SMAD3: variants seen among roughly 807,000 people sequenced by gnomAD.
The protein encoded by SMAD3 is SMAD family member 3, also known as MAD homolog 3.
SMAD3 carries 12 observed loss-of-function variants against 51.8 expected under a neutral mutation model. That is an observed-to-expected ratio of 0.23 (90% CI 0.15 to 0.38). The LOEUF (loss-of-function observed/expected upper bound fraction) is 0.38. Among genes scored for constraint, SMAD3 ranks in the 10% least tolerant of loss-of-function variants. SMAD3 has a pLI of 1.00. For missense variants in SMAD3, 294 were observed against 565.6 expected (o/e 0.52, Z 4.87); for synonymous variants, 238 against 227.7 (o/e 1.05, Z -0.41).
chr15:67,190,303 G>C (rs562789102), intron 8 of SMAD3, 110 bp from the exon 9 acceptor site: 6 of 1,035,440 alleles, frequency 5.8e-6, no homozygotes, highest in East Asian at 4.7e-5. Context: ...GCGTCTAACA[G>C]CATCTTTGGG....
At chr15:67,095,834 T>C (rs1263215890) in intron 1 of SMAD3, among the ~76,000 whole-genome samples, 3 of 152,188 alleles carry the variant, frequency 2.0e-5, no homozygotes, top group Admixed American at 6.5e-5. Flanking sequence ...ATCCGGCCCA[T>C]CTTGAAATTC....
intron 5 of SMAD3, among the ~76,000 whole-genome samples, chr15:67,177,517 G>T (rs933929984): frequency 2.1e-5 from 3 of 139,684 alleles, no homozygotes; most frequent in African/African-American, 8.0e-5. Context: ...CTGCCTCCTG[G>T]GTTCAAGTGA....
chr15:67,070,306 C>G (rs1960025477), intron 1 of SMAD3, among the ~76,000 whole-genome samples: 1 of 152,042 alleles, frequency 6.6e-6, no homozygotes, highest in Admixed American at 6.6e-5. Flanking sequence ...AGAGGAGGTG[C>G]CTGCAGGACA....
Position 67,177,857 on chromosome 15 carries a change from G to A in SMAD3, c.659-3384G>A, listed in dbSNP as rs941850537. On this transcript the variant is annotated intron_variant, in intron 5 of 8. Transcript: ENST00000327367. ...AGGAAGCAGCTGAGGCATGGTGGGC[G>A]GGAGGGACCTAGAAAGGAGGGAAAT... 8.5e-5 allele frequency among the ~76,000 whole-genome samples: 13 copies of A among 152,092 alleles called. 1 individual carries two copies. The East Asian group carries it at 9.6e-4, about 11-fold the overall frequency.
Position 67,090,881 on chromosome 15 carries a change from CTG to C in SMAD3, c.206+24525_206+24526del, listed in dbSNP as rs1156567656. On this transcript the variant is annotated intron_variant, in intron 1 of 8. Transcript: ENST00000327367. Reference sequence around the variant, plus strand: ...AAAATATTATAAACAGACCACCAAACTGTGTTTGGTCCAAGGCCAAGCCCCTC... The same window carrying C: ...AAAATATTATAAACAGACCACCAAACTGTTTGGTCCAAGGCCAAGCCCCTC... Among the ~76,000 whole-genome samples the C allele has an allele frequency of 2.0e-5, 3 of 152,204 alleles. No homozygotes were observed. The East Asian group carries it at 5.8e-4, about 29-fold the overall frequency.
chr15:67,065,747 C>G lies in SMAD3; in HGVS notation c.-408C>G, dbSNP rs553517799. ...AGGCGGAGGGATCTGCGCATCAAAG[C>G]TAGCGAGGCGAGCGAAGTTTGGCCG... On this transcript the variant is annotated 5_prime_UTR_variant, in exon 1 of 9. Transcript: ENST00000327367. 3.9e-4 allele frequency: 78 copies of G among 198,848 alleles called. 1 individual carries two copies. Among genetic ancestry groups the G allele is most frequent in the African/African-American group, 1.6e-3 (71 of 43,430 alleles). The allele number at this position is 198,848 out of a possible 1,614,324, so 12.3% of individuals were successfully genotyped here.
intron 1 of SMAD3, among the ~76,000 whole-genome samples, chr15:67,070,323 A>G (rs1377733240): frequency 6.6e-6 from 1 of 152,110 alleles, no homozygotes; most frequent in African/African-American, 2.4e-5. Context: ...GACAATAGGT[A>G]GCTGATGAGG....
intron 5 of SMAD3, among the ~76,000 whole-genome samples, chr15:67,171,347 T>C (rs1962747368): frequency 2.0e-5 from 3 of 152,206 alleles, no homozygotes; most frequent in African/African-American, 7.2e-5. Flanking sequence ...CTGGGTCAGT[T>C]TTTCCAAGAC....
At chr15:67,122,798 G>A (rs1389501850) in intron 1 of SMAD3, among the ~76,000 whole-genome samples, 1 of 152,184 alleles carries the variant, frequency 6.6e-6, no homozygotes, top group East Asian at 1.9e-4. Flanking sequence ...CCCACCACTT[G>A]TAAGTTATGG....
chr15:67,089,425 C>A (rs1960464314), intron 1 of SMAD3, among the ~76,000 whole-genome samples: 1 of 152,208 alleles, frequency 6.6e-6, no homozygotes, highest in Non-Finnish European at 1.5e-5. Context: ...AGAGCACCTT[C>A]CCATTGGTTT....
At chr15:67,071,290 G>A (rs1366342962) in intron 1 of SMAD3, among the ~76,000 whole-genome samples, 1 of 152,216 alleles carries the variant, frequency 6.6e-6, no homozygotes, top group Non-Finnish European at 1.5e-5. Flanking sequence ...TAAGAATGAG[G>A]ACGTCTTTAT....
chr15:67,112,063 C>T (rs992501456), intron 1 of SMAD3, among the ~76,000 whole-genome samples: 4 of 151,650 alleles, frequency 2.6e-5, no homozygotes, highest in East Asian at 1.9e-4. Flanking sequence ...GTTGGGATTA[C>T]GGGCATAGCC....
At position 67,130,482 on chromosome 15, in the gene SMAD3, G is replaced by T. The variant is rs1388691988; in HGVS notation, c.207-34413G>T. ...GCGGCTGCATTAGATTCTCATAGGAGCGTGAACCCTATTGTGAACTGCATA... is the reference window on the plus strand; with the variant it reads ...GCGGCTGCATTAGATTCTCATAGGATCGTGAACCCTATTGTGAACTGCATA... On this transcript the variant is annotated intron_variant, in intron 1 of 8. Coordinates refer to ENST00000327367, the MANE Select transcript of SMAD3 (RefSeq NM_005902.4). Among the ~76,000 whole-genome samples the T allele has an allele frequency of 1.6e-4, 24 of 152,238 alleles. 1 individual carries two copies. The highest frequency in any genetic ancestry group is 1.4e-3 in the Admixed American group (22 of 15,290).
chr15:67,071,715 G>T (rs1960057786), intron 1 of SMAD3, among the ~76,000 whole-genome samples: 1 of 152,204 alleles, frequency 6.6e-6, no homozygotes, highest in African/African-American at 2.4e-5. Flanking sequence ...GGGAGGCTGA[G>T]GCAAGAGAAT....
intron 1 of SMAD3, among the ~76,000 whole-genome samples, chr15:67,141,896 G>T (rs991945619): frequency 2.6e-5 from 4 of 152,186 alleles, no homozygotes; most frequent in African/African-American, 9.7e-5. Flanking sequence ...TTTGCCTGGG[G>T]ATGAGGTGGG....
intron 1 of SMAD3, among the ~76,000 whole-genome samples, chr15:67,081,264 C>T (rs1338383188): frequency 1.2e-4 from 18 of 152,178 alleles, no homozygotes; most frequent in Admixed American, 1.2e-3. Context: ...ATCAGATAGT[C>T]ATCGTGGGAA....
At chr15:67,186,309 G>C (rs1226952962) in intron 7 of SMAD3, among the ~76,000 whole-genome samples, 1 of 95,368 alleles carries the variant, frequency 1.0e-5, no homozygotes, top group Non-Finnish European at 2.6e-5. Flanking sequence ...AGGAAGCTCA[G>C]TGACGCTCTT....
chr15:67,173,031 C>T (rs1962794548), intron 5 of SMAD3, among the ~76,000 whole-genome samples: 1 of 152,108 alleles, frequency 6.6e-6, no homozygotes. Flanking sequence ...CATCGAGGGG[C>T]TACGGCCTTG....
intron 1 of SMAD3, among the ~76,000 whole-genome samples, chr15:67,085,879 C>A (rs980611783): frequency 0.012 from 1,092 of 87,998 alleles, 14 homozygotes; most frequent in African/African-American, 0.037. Context: ...CACACACACA[C>A]ACACACACAC....
Sources: gnomAD v4.1 joint callset for allele counts (sites outside exome capture counted in the v4.1 genomes callset) on GRCh38, gnomAD v4.1.1 for gene constraint, MANE v1.5 for transcripts, NCBI Gene and HGNC (gene_info 2026-07-23, HGNC 2026-07-21) for gene names.